The following JAK1 variants were observed in gnomAD, a reference collection of about 807,000 sequenced individuals.
The protein encoded by JAK1 is tyrosine-protein kinase JAK1.
Under a neutral mutation model 136.6 loss-of-function variants are expected in JAK1, and 16 were observed. That is an observed-to-expected ratio of 0.12 (90% confidence interval 0.08 to 0.18). The LOEUF (loss-of-function observed/expected upper bound fraction) is 0.18. Among genes scored for constraint, JAK1 ranks in the 10% least tolerant of loss-of-function variants. The pLI is 1.00. For missense variants in JAK1, 859 were observed against 1,450.1 expected (o/e 0.59, Z 6.62); for synonymous variants, 492 against 519.5 (o/e 0.95, Z 0.72).
chr1:64,985,086 A>G, intron 2 of JAK1: 2 of 938,232 alleles, frequency 2.1e-6, no homozygotes, highest in Non-Finnish European at 3.5e-6. Flanking sequence ...TCCAAGGCCT[A>G]TCATATGTAG....
At chr1:64,900,970 G>A (rs915275990) in intron 1 of JAK1, among the ~76,000 whole-genome samples, 6 of 152,132 alleles carry the variant, frequency 3.9e-5, no homozygotes, top group African/African-American at 1.2e-4. Flanking sequence ...AGGTTTCCCT[G>A]ACTTCTCCCA....
chr1:64,910,102 T>C (rs1037830528), intron 1 of JAK1, among the ~76,000 whole-genome samples: 1 of 152,252 alleles, frequency 6.6e-6, no homozygotes. Flanking sequence ...GTTGAAACTA[T>C]GATACCATCT....
intron 1 of JAK1, among the ~76,000 whole-genome samples, chr1:65,060,422 C>T (rs190433347): frequency 1.3e-5 from 2 of 152,128 alleles, no homozygotes; most frequent in African/African-American, 4.8e-5. Context: ...TTAGACTGTT[C>T]TTCACCAAAA....
At position 64,844,978 on chromosome 1, in the gene JAK1, C is replaced by G; in HGVS notation, c.2116-89G>C. The G allele has an allele frequency of 6.4e-7, 1 of 1,557,500 alleles. No individual in the cohort carries two copies. The highest frequency in any genetic ancestry group is 8.8e-7 in the Non-Finnish European group (1 of 1,138,590). On this transcript the variant is annotated intron_variant, in intron 15 of 24. Transcript: ENST00000342505. This position sits in a 1 kb window ranked among gnomAD's most constrained non-coding sequence, Gnocchi z 5.7. ...GTCCCTCAGGTCATCTCTTCCTACCCCCAGCTACAGCCAGATCTGGACAGC... is the reference window on the plus strand; with the variant it reads ...GTCCCTCAGGTCATCTCTTCCTACCGCCAGCTACAGCCAGATCTGGACAGC...
chr1:64,879,236 A>C, intron 3 of JAK1, 88 bp from the exon 4 acceptor site: 4 of 1,473,570 alleles, frequency 2.7e-6, no homozygotes, highest in Non-Finnish European at 3.7e-6. Flanking sequence ...AAAGATAAGG[A>C]ACTCTCTCAT....
chr1:65,059,596 T>C (rs1049487488), intron 1 of JAK1, among the ~76,000 whole-genome samples: 4 of 152,316 alleles, frequency 2.6e-5, no homozygotes, highest in Non-Finnish European at 5.9e-5. Context: ...AAATTATCTG[T>C]ACCTTTGAGA....
intron 1 of JAK1, among the ~76,000 whole-genome samples, chr1:64,944,679 T>G (rs1273584489): frequency 6.6e-6 from 1 of 152,048 alleles, no homozygotes; most frequent in Non-Finnish European, 1.5e-5. Context: ...ACAATAGTCA[T>G]GATACACTAG....
intron 1 of JAK1, among the ~76,000 whole-genome samples, chr1:64,896,341 C>G (rs1645013308): frequency 6.6e-6 from 1 of 152,198 alleles, no homozygotes; most frequent in African/African-American, 2.4e-5. Flanking sequence ...CCTGGTCATT[C>G]CACTTAATTT....
chr1:65,067,392 C>A (rs1056549125), intron 1 of JAK1, among the ~76,000 whole-genome samples: 1 of 149,110 alleles, frequency 6.7e-6, no homozygotes, highest in Non-Finnish European at 1.5e-5. Context: ...CCACGGCTTC[C>A]CGCGTCCCCA....
At position 64,844,009 on chromosome 1, in the gene JAK1, C is replaced by T. The variant is rs1655068844; in HGVS notation, c.2403+55G>A. The T allele has an allele frequency of 6.2e-7, 1 of 1,603,192 alleles. No homozygotes were observed. ...AGGCTTCCGACAACTCCTGGGAAGC[C>T]CACGAGCACCTGAAAGCCCTCACTT... On this transcript the variant is annotated intron_variant, in intron 17 of 24. Coordinates refer to ENST00000342505, the MANE Select transcript of JAK1 (RefSeq NM_002227.4). The surrounding 1 kb of genome is among the most constrained non-coding windows in gnomAD (Gnocchi z 5.7).
intron 2 of JAK1, among the ~76,000 whole-genome samples, chr1:64,976,124 T>C (rs1646495878): frequency 6.6e-6 from 1 of 152,208 alleles, no homozygotes; most frequent in Non-Finnish European, 1.5e-5. Context: ...CCTAGATCCA[T>C]TTATTCTTTT....
At chr1:65,044,649 T>C (rs1432271820) in intron 1 of JAK1, among the ~76,000 whole-genome samples, 2 of 152,062 alleles carry the variant, frequency 1.3e-5, no homozygotes, top group African/African-American at 4.8e-5. Flanking sequence ...TAGTTCCAAT[T>C]TGGTCTTGTT....
intron 1 of JAK1, among the ~76,000 whole-genome samples, chr1:64,898,721 G>C (rs368123256): frequency 1.5e-4 from 23 of 152,324 alleles, no homozygotes; most frequent in African/African-American, 4.8e-4. Context: ...CTGTCATCCA[G>C]TTAAACAGTC....
intron 1 of JAK1, among the ~76,000 whole-genome samples, chr1:64,938,615 T>C (rs1387676268): frequency 6.6e-6 from 1 of 152,226 alleles, no homozygotes; most frequent in Non-Finnish European, 1.5e-5. Context: ...TACTTCTCAA[T>C]ACTAAAACCA....
At chr1:65,011,834 A>G (rs1273152665) in intron 2 of JAK1, among the ~76,000 whole-genome samples, 1 of 152,220 alleles carries the variant, frequency 6.6e-6, no homozygotes, top group Non-Finnish European at 1.5e-5. Flanking sequence ...TCCCAGGAGT[A>G]AATCCCAGGG....
intron 3 of JAK1, among the ~76,000 whole-genome samples, chr1:64,880,962 T>C (rs11208535): frequency 0.12 from 18,059 of 151,072 alleles, 1,270 homozygotes; most frequent in East Asian, 0.29. Flanking sequence ...AACAAACAAA[T>C]AAATAAATAA....
chr1:64,937,500 T>G (rs1454639456), intron 1 of JAK1, among the ~76,000 whole-genome samples: 2 of 152,216 alleles, frequency 1.3e-5, no homozygotes, highest in Non-Finnish European at 2.9e-5. Context: ...ATTGAAAGCC[T>G]TTCTAGAAAG....
At chr1:65,055,082 G>A (rs968996253) in intron 1 of JAK1, among the ~76,000 whole-genome samples, 4 of 152,074 alleles carry the variant, frequency 2.6e-5, no homozygotes, top group East Asian at 1.9e-4. Flanking sequence ...CATTCATGTT[G>A]TTGTGCAACT....
chr1:64,839,145 CA>C (rs56058898), intron 20 of JAK1, among the ~76,000 whole-genome samples: 15,850 of 59,692 alleles, frequency 0.27, 530 homozygotes, highest in East Asian at 0.4. Context: ...GACTCCGTCT[CA>C]AAAAAAAAAA....
Sources: allele counts gnomAD v4.1 joint callset (sites outside exome capture counted in the v4.1 genomes callset), GRCh38; gene constraint gnomAD v4.1.1; non-coding constraint Gnocchi (gnomAD v3.1); transcripts MANE v1.5; gene names NCBI Gene and HGNC (gene_info 2026-07-23, HGNC 2026-07-21).